Variants in MCF2L2 observed in about 807,000 individuals in gnomAD.
MCF2L2 encodes MCF.2 cell line derived transforming sequence-like 2, also known as probable guanine nucleotide exchange factor MCF2L2.
Under a neutral mutation model 150.2 loss-of-function variants are expected in MCF2L2, and 102 were observed. That is an observed-to-expected ratio of 0.68 (90% CI 0.58 to 0.80). The LOEUF (loss-of-function observed/expected upper bound fraction) is 0.80. Among genes scored for constraint, MCF2L2 ranks in the 30% least tolerant of loss-of-function variants. The pLI is 0.00. For missense variants in MCF2L2, 1,256 were observed against 1,372.8 expected, an observed-to-expected ratio of 0.91 and a Z score of 1.34; for synonymous variants, 465 against 491.3, an observed-to-expected ratio of 0.95 and a Z score of 0.71.
At chr3:183,325,046 T>C (rs973961800) in intron 5 of MCF2L2, among the ~76,000 whole-genome samples, 3 of 138,174 alleles carry the variant, frequency 2.2e-5, no homozygotes, top group Non-Finnish European at 4.5e-5. Flanking sequence ...ATGTTCTCAC[T>C]CATAGGTGGG....
At chr3:183,286,170 T>G (rs1453964850) in intron 14 of MCF2L2, among the ~76,000 whole-genome samples, 2 of 152,172 alleles carry the variant, frequency 1.3e-5, no homozygotes, top group Non-Finnish European at 2.9e-5. Flanking sequence ...ATTTCTCTGA[T>G]CATGATCAAA....
At chr3:183,338,222 G>C (rs1560028553) in intron 5 of MCF2L2, among the ~76,000 whole-genome samples, 1 of 151,964 alleles carries the variant, frequency 6.6e-6, no homozygotes, top group Non-Finnish European at 1.5e-5. Flanking sequence ...CGATGCGGGT[G>C]TATCACCTGA....
chr3:183,402,166 G>A (rs917451396), intron 1 of MCF2L2, among the ~76,000 whole-genome samples: 5 of 152,038 alleles, frequency 3.3e-5, no homozygotes, highest in Non-Finnish European at 5.9e-5. Context: ...AATATAGGCC[G>A]GGCACGGTGG....
intron 5 of MCF2L2, among the ~76,000 whole-genome samples, chr3:183,330,908 T>A (rs1287544984): frequency 6.6e-6 from 1 of 152,156 alleles, no homozygotes; most frequent in East Asian, 1.9e-4. Flanking sequence ...GAGCCACATT[T>A]TCTTATTTTC....
At chr3:183,242,456 A>T (rs1724071463) in intron 15 of MCF2L2, among the ~76,000 whole-genome samples, 1 of 152,232 alleles carries the variant, frequency 6.6e-6, no homozygotes, top group African/African-American at 2.4e-5. Context: ...GTTGCCCTGC[A>T]TGCCAGTTGC....
chr3:183,214,542 A>G (rs547174460), intron 22 of MCF2L2, among the ~76,000 whole-genome samples: 2 of 152,256 alleles, frequency 1.3e-5, no homozygotes, highest in South Asian at 4.2e-4. Flanking sequence ...GATTTATGAC[A>G]AGGAAAGAAA....
intron 5 of MCF2L2, among the ~76,000 whole-genome samples, chr3:183,324,888 T>A (rs896568011): frequency 6.6e-6 from 1 of 151,480 alleles, no homozygotes; most frequent in Non-Finnish European, 1.5e-5. Flanking sequence ...CCAACAATGA[T>A]AGACTGGATT....
intron 3 of MCF2L2, among the ~76,000 whole-genome samples, chr3:183,357,550 G>A (rs1711860788): frequency 6.6e-6 from 1 of 152,122 alleles, no homozygotes; most frequent in African/African-American, 2.4e-5. Context: ...CCCAACACCT[G>A]ACTTCATGTA....
chr3:183,359,967 A>AT (rs1712027331), intron 3 of MCF2L2, among the ~76,000 whole-genome samples: 1 of 152,222 alleles, frequency 6.6e-6, no homozygotes, highest in African/African-American at 2.4e-5. Flanking sequence ...GGGTATTGAA[A>AT]TTTTTAACAT....
chr3:183,353,472 G>A (rs1441180374), intron 3 of MCF2L2, among the ~76,000 whole-genome samples: 1 of 152,184 alleles, frequency 6.6e-6, no homozygotes, highest in East Asian at 1.9e-4. Context: ...TTTAAAAAGA[G>A]TTTTAATTGG....
intron 20 of MCF2L2, among the ~76,000 whole-genome samples, chr3:183,222,204 G>A (rs1042231216): frequency 6.6e-6 from 1 of 152,070 alleles, no homozygotes; most frequent in Non-Finnish European, 1.5e-5. Flanking sequence ...AGACTGTTGG[G>A]CAATGAGCTT....
At chr3:183,199,988 G>T (rs534718842) in intron 25 of MCF2L2, among the ~76,000 whole-genome samples, 1 of 152,256 alleles carries the variant, frequency 6.6e-6, no homozygotes, top group African/African-American at 2.4e-5. Context: ...GTATTCCATG[G>T]TGTATATGTG....
Position 183,419,154 on chromosome 3 carries a change from T to C in MCF2L2, c.76+8748A>G, listed in dbSNP as rs909770217. On this transcript the variant is annotated intron_variant, in intron 1 of 29. Coordinates refer to ENST00000328913, the MANE Select transcript of MCF2L2 (RefSeq NM_015078.4). ...TTGGGGCTTGCACCCTCTGAAGCAA[T>C]GGCCTGAGCTGTAACTTGGCCCCTT... 5.3e-5 allele frequency among the ~76,000 whole-genome samples: 8 copies of C among 152,252 alleles called. No homozygotes were observed. In the South Asian group the frequency reaches 1.4e-3, roughly 28 times the overall value.
chr3:183,352,213 A>C (rs1043886656), intron 3 of MCF2L2, among the ~76,000 whole-genome samples: 5 of 152,172 alleles, frequency 3.3e-5, no homozygotes, highest in Admixed American at 6.5e-5. Flanking sequence ...GAGAACTAGC[A>C]TCTTCACTTA....
chr3:183,387,012 T>G (rs1038118564), intron 2 of MCF2L2, among the ~76,000 whole-genome samples: 23 of 152,118 alleles, frequency 1.5e-4, no homozygotes, highest in African/African-American at 5.3e-4. Flanking sequence ...TCCCAGCACT[T>G]TGGAAGACTG....
In MCF2L2 at chr3:183,181,173, G is replaced by A. The variant is rs192344156; in HGVS notation, c.3017-1014C>T. ...GAGGCATGGCCAGAGGGCGGTAGGCGGCAGTGGAGGGAGCTGCAGTTATCT... is the reference window on the plus strand; with the variant it reads ...GAGGCATGGCCAGAGGGCGGTAGGCAGCAGTGGAGGGAGCTGCAGTTATCT... On this transcript the variant is annotated intron_variant, in intron 27 of 29. Transcript: ENST00000328913. The surrounding 1 kb of genome is among the most constrained non-coding windows in gnomAD (Gnocchi z 4.3). Among the ~76,000 whole-genome samples, 201 of 152,324 alleles carry A rather than the reference G, an allele frequency of 1.3e-3. 2 individuals carry two copies. The highest frequency in any genetic ancestry group is 0.01 in the Middle Eastern group (3 of 294).
chr3:183,247,093 G>A (rs1560365462), intron 15 of MCF2L2, among the ~76,000 whole-genome samples: 1 of 152,190 alleles, frequency 6.6e-6, no homozygotes, highest in Non-Finnish European at 1.5e-5. Flanking sequence ...TGCCAATTCT[G>A]TGGACGAGAG....
chr3:183,379,360 C>G lies in MCF2L2; in HGVS notation c.212G>C (p.Gly71Ala), dbSNP rs1713381758. The change falls in exon 3 of 30, where the codon GGG becomes GCG. Residue 71 changes from glycine to alanine, a missense_variant. Gly to Ala is a moderately conservative substitution (Grantham distance 60). Transcript: ENST00000328913. Reference sequence around the variant, plus strand: ...GTCTTCATCTGGGATGTGTTTGAACCCCGAAAACTCTGGGAACGTGATGAT... The same window carrying G: ...GTCTTCATCTGGGATGTGTTTGAACGCCGAAAACTCTGGGAACGTGATGAT... Reference protein sequence around the residue: ...APIITFPEFSGFKHIPDEDFL... With the variant: ...APIITFPEFSAFKHIPDEDFL... 1.2e-6 allele frequency: 2 copies of G among 1,610,712 alleles called. No individual in the cohort carries two copies. The highest frequency in any genetic ancestry group is 1.7e-6 in the Non-Finnish European group (2 of 1,178,652).
intron 10 of MCF2L2, among the ~76,000 whole-genome samples, chr3:183,303,453 T>C (rs1360233102): frequency 6.6e-6 from 1 of 152,214 alleles, no homozygotes; most frequent in Non-Finnish European, 1.5e-5. Flanking sequence ...AGTGCATCAC[T>C]GCACTGCTTT....
Sources: gnomAD v4.1 joint callset for allele counts (sites outside exome capture counted in the v4.1 genomes callset) on GRCh38, gnomAD v4.1.1 for gene constraint, Gnocchi (gnomAD v3.1) non-coding constraint, MANE v1.5 for transcripts, NCBI Gene and HGNC (gene_info 2026-07-23, HGNC 2026-07-21) for gene names.